TSHZ2: variants seen among roughly 807,000 people sequenced by gnomAD.
The protein encoded by TSHZ2 is teashirt zinc finger homeobox 2.
Under a neutral mutation model 74.4 loss-of-function variants are expected in TSHZ2, and 21 were observed. The ratio of observed to expected loss-of-function variants is 0.28; its 90% CI spans 0.20 to 0.41. TSHZ2 has a LOEUF of 0.41. TSHZ2 is among the 10% of genes least tolerant of loss of function. The pLI is 1.00. For missense variants in TSHZ2, 1,244 were observed against 1,293.5 expected, an observed-to-expected ratio of 0.96 and a Z score of 0.59; for synonymous variants, 540 against 515.3, an observed-to-expected ratio of 1.05 and a Z score of -0.65.
At chr20:53,289,655 T>G (rs934436814) in intron 2 of TSHZ2, among the ~76,000 whole-genome samples, 13 of 152,198 alleles carry the variant, frequency 8.5e-5, no homozygotes, top group Non-Finnish European at 5.9e-5. Context: ...GGAAGGCTAT[T>G]TTAGAGACAT....
chr20:53,308,402 T>C (rs1978636673), intron 2 of TSHZ2, among the ~76,000 whole-genome samples: 1 of 152,132 alleles, frequency 6.6e-6, no homozygotes, highest in Admixed American at 6.5e-5. Context: ...TGAAAGCTGA[T>C]GTCAACTGCT....
intron 2 of TSHZ2, among the ~76,000 whole-genome samples, chr20:53,353,550 A>G (rs979877988): frequency 4.6e-5 from 7 of 152,302 alleles, no homozygotes; most frequent in African/African-American, 1.7e-4. Flanking sequence ...TATTCCATAG[A>G]CCAAATACGT....
intron 1 of TSHZ2, among the ~76,000 whole-genome samples, chr20:53,202,367 G>A (rs893838621): frequency 3.3e-5 from 5 of 152,142 alleles, no homozygotes; most frequent in Non-Finnish European, 7.4e-5. Context: ...TGGAATCGTC[G>A]CACAGAAAGA....
intron 2 of TSHZ2, among the ~76,000 whole-genome samples, chr20:53,426,578 A>T (rs1277822899): frequency 1.3e-5 from 2 of 152,174 alleles, no homozygotes; most frequent in African/African-American, 2.4e-5. Context: ...AGAATTTGAG[A>T]ACAGATTAAT....
intron 2 of TSHZ2, among the ~76,000 whole-genome samples, chr20:53,478,687 A>G (rs1378984402): frequency 6.6e-6 from 1 of 151,702 alleles, no homozygotes; most frequent in Non-Finnish European, 1.5e-5. Flanking sequence ...AAATAAATAA[A>G]TAAATTTAGT....
chr20:53,111,194 T>TCTGC (rs908694044), intron 1 of TSHZ2, among the ~76,000 whole-genome samples: 1 of 152,180 alleles, frequency 6.6e-6, no homozygotes, highest in Non-Finnish European at 1.5e-5. Context: ...AGGAAGAATA[T>TCTGC]CTGCATAATA....
At chr20:53,088,714 A>C (rs1409304848) in intron 1 of TSHZ2, among the ~76,000 whole-genome samples, 3 of 152,172 alleles carry the variant, frequency 2.0e-5, no homozygotes, top group African/African-American at 7.2e-5. Context: ...GACATATGGC[A>C]TATTTTCAAT....
intron 2 of TSHZ2, among the ~76,000 whole-genome samples, chr20:53,333,522 C>T (rs1391990868): frequency 6.6e-6 from 1 of 151,702 alleles, no homozygotes; most frequent in African/African-American, 2.4e-5. Context: ...GTGGCACGAT[C>T]TCAGCTCACT....
chr20:53,012,064 T>A (rs1488493226), intron 1 of TSHZ2, among the ~76,000 whole-genome samples: 1 of 152,182 alleles, frequency 6.6e-6, no homozygotes, highest in Non-Finnish European at 1.5e-5. Flanking sequence ...AAGCCAGTGT[T>A]CTTGACCACT....
chr20:53,097,207 C>T (rs1285370708), intron 1 of TSHZ2, among the ~76,000 whole-genome samples: 1 of 151,996 alleles, frequency 6.6e-6, no homozygotes, highest in African/African-American at 2.4e-5. Flanking sequence ...GATTGAGAAC[C>T]ATTGAGTTAA....
At chr20:53,466,873 T>C (rs1053671723) in intron 2 of TSHZ2, among the ~76,000 whole-genome samples, 5 of 152,252 alleles carry the variant, frequency 3.3e-5, no homozygotes, top group Non-Finnish European at 5.9e-5. Flanking sequence ...TTTTGCATTA[T>C]ATAGCTTTAC....
intron 1 of TSHZ2, among the ~76,000 whole-genome samples, chr20:53,207,835 T>C (rs2123600466): frequency 1.3e-5 from 2 of 150,546 alleles, no homozygotes; most frequent in South Asian, 4.2e-4. Context: ...GCATGCACCA[T>C]CGTGCCCAGA....
At chr20:53,288,920 G>A (rs1023099273) in intron 2 of TSHZ2, among the ~76,000 whole-genome samples, 1 of 152,122 alleles carries the variant, frequency 6.6e-6, no homozygotes, top group African/African-American at 2.4e-5. Flanking sequence ...CCCATCACCT[G>A]AGCAAAGTAC....
At chr20:53,340,216 T>G (rs1478650196) in intron 2 of TSHZ2, among the ~76,000 whole-genome samples, 6 of 24,206 alleles carry the variant, frequency 2.5e-4, no homozygotes, top group Middle Eastern at 0.014. Context: ...GGAGTCTCGC[T>G]CTGTCACCCA....
intron 1 of TSHZ2, among the ~76,000 whole-genome samples, chr20:53,063,780 A>G (rs902923361): frequency 6.6e-6 from 1 of 152,256 alleles, no homozygotes; most frequent in African/African-American, 2.4e-5. Context: ...CAGCAACCGA[A>G]TATTTGGCAA....
chr20:53,099,302 C>CTAT (rs1568758511), intron 1 of TSHZ2, among the ~76,000 whole-genome samples: 2 of 152,150 alleles, frequency 1.3e-5, no homozygotes, highest in African/African-American at 4.8e-5. Context: ...GTCATAAACC[C>CTAT]TATTATTATT....
intron 2 of TSHZ2, among the ~76,000 whole-genome samples, chr20:53,387,195 A>T (rs1044680817): frequency 6.6e-6 from 1 of 152,176 alleles, no homozygotes; most frequent in Admixed American, 6.5e-5. Flanking sequence ...GCTCCACGGG[A>T]TCTCACTTTC....
At chr20:53,238,836 TAAA>T (rs746136673) in intron 1 of TSHZ2, among the ~76,000 whole-genome samples, 12 of 66,024 alleles carry the variant, frequency 1.8e-4, no homozygotes, top group Non-Finnish European at 2.5e-4. Flanking sequence ...ATCTTATATC[TAAA>T]AAAAAAAAAA....
At chr20:52,993,905 A>G (rs1982078144) in intron 1 of TSHZ2, among the ~76,000 whole-genome samples, 1 of 152,154 alleles carries the variant, frequency 6.6e-6, no homozygotes, top group Admixed American at 6.5e-5. Flanking sequence ...GAGCAAAGGG[A>G]AGTTTGTGGG....
Sources: gnomAD v4.1 joint callset for allele counts (sites outside exome capture counted in the v4.1 genomes callset) on GRCh38, gnomAD v4.1.1 for gene constraint, MANE v1.5 for transcripts, NCBI Gene and HGNC (gene_info 2026-07-23, HGNC 2026-07-21) for gene names.